KCMF1: variants seen among roughly 807,000 people sequenced by gnomAD.
KCMF1 encodes the protein E3 ubiquitin-protein ligase KCMF1.
A neutral mutation model predicts 41.1 loss-of-function variants in KCMF1; 3 were observed. The ratio of observed to expected loss-of-function variants is 0.07; its 90% CI spans 0.03 to 0.19. KCMF1 has a LOEUF of 0.19. Among genes scored for constraint, KCMF1 ranks in the 10% least tolerant of loss-of-function variants. The pLI is 1.00. For missense variants in KCMF1, 286 were observed against 488.9 expected, an observed-to-expected ratio of 0.58 and a Z score of 3.91; for synonymous variants, 142 against 164.5, an observed-to-expected ratio of 0.86 and a Z score of 1.04.
intron 1 of KCMF1, among the ~76,000 whole-genome samples, chr2:85,015,031 C>T (rs902809924): frequency 1.3e-5 from 2 of 151,664 alleles, no homozygotes; most frequent in Non-Finnish European, 2.9e-5. Context: ...TTTTTCCCCC[C>T]TCTACTTTCA....
chr2:85,027,509 G>A (rs886606293), intron 1 of KCMF1, among the ~76,000 whole-genome samples: 1 of 151,074 alleles, frequency 6.6e-6, no homozygotes, highest in Non-Finnish European at 1.5e-5. Flanking sequence ...CAAGTAGTTG[G>A]GATTACAGGT....
At chr2:84,990,980 C>T (rs1324470616) in intron 1 of KCMF1, among the ~76,000 whole-genome samples, 1 of 152,038 alleles carries the variant, frequency 6.6e-6, no homozygotes, top group Non-Finnish European at 1.5e-5. Flanking sequence ...CACTTGTGTT[C>T]GAGATCATTC....
intron 1 of KCMF1, among the ~76,000 whole-genome samples, chr2:85,008,554 C>G (rs1448241041): frequency 6.7e-6 from 1 of 150,044 alleles, no homozygotes; most frequent in Non-Finnish European, 1.5e-5. Context: ...TACCAAGAAA[C>G]AGCACAAAAA....
At chr2:85,012,001 C>G (rs1674664473) in intron 1 of KCMF1, among the ~76,000 whole-genome samples, 1 of 152,188 alleles carries the variant, frequency 6.6e-6, no homozygotes, top group Non-Finnish European at 1.5e-5. Context: ...CTAGACCCAG[C>G]AGAAGGGGCT....
intron 1 of KCMF1, among the ~76,000 whole-genome samples, chr2:84,989,158 G>GT (rs1489354569): frequency 6.6e-6 from 1 of 152,160 alleles, no homozygotes; most frequent in Non-Finnish European, 1.5e-5. Context: ...ACTCTGTGGA[G>GT]ATGTGCTGGG....
At chr2:85,044,841 C>T (rs1675625513) in intron 4 of KCMF1, among the ~76,000 whole-genome samples, 1 of 152,214 alleles carries the variant, frequency 6.6e-6, no homozygotes, top group African/African-American at 2.4e-5. Context: ...TCTGCATTCC[C>T]TTCCTTGTCT....
At chr2:84,985,169 G>A (rs958591137) in intron 1 of KCMF1, among the ~76,000 whole-genome samples, 1 of 152,146 alleles carries the variant, frequency 6.6e-6, no homozygotes, top group African/African-American at 2.4e-5. Flanking sequence ...GTGGCTGGAG[G>A]GCAATGATTG....
chr2:84,992,546 C>T (rs1297516130), intron 1 of KCMF1, among the ~76,000 whole-genome samples: 3 of 152,180 alleles, frequency 2.0e-5, no homozygotes, highest in African/African-American at 7.2e-5. Flanking sequence ...TCATTTTCTT[C>T]TTGGATACAG....
intron 1 of KCMF1, among the ~76,000 whole-genome samples, chr2:84,985,559 G>T (rs184119878): frequency 5.0e-4 from 76 of 150,704 alleles, no homozygotes; most frequent in African/African-American, 1.7e-3. Flanking sequence ...GGCCTGGCGC[G>T]GTGGCTCACG....
chr2:85,017,005 T>G (rs1432129077), intron 1 of KCMF1, among the ~76,000 whole-genome samples: 1 of 148,082 alleles, frequency 6.8e-6, no homozygotes, highest in African/African-American at 2.5e-5. Flanking sequence ...TCATCTAAGA[T>G]CCTCTTCTTT....
intron 1 of KCMF1, chr2:84,972,053 G>A (rs1225434739): frequency 2.6e-5 from 4 of 152,128 alleles, no homozygotes; most frequent in Non-Finnish European, 5.9e-5. Context: ...AGCCCGCCCC[G>A]GCCTCGCGGC....
chr2:85,046,354 G>C, intron 5 of KCMF1, 76 bp downstream of exon 5: 1 of 1,170,034 alleles, frequency 8.5e-7, no homozygotes, highest in Admixed American at 2.2e-5. Context: ...GTGATGCCAG[G>C]TGCGGTGGCT....
chr2:85,014,967 C>A (rs1054885654), intron 1 of KCMF1, among the ~76,000 whole-genome samples: 1 of 151,868 alleles, frequency 6.6e-6, no homozygotes, highest in African/African-American at 2.4e-5. Flanking sequence ...TTTGGTACAG[C>A]ATTTTTATCT....
chr2:85,011,207 T>C (rs1408147189), intron 1 of KCMF1, among the ~76,000 whole-genome samples: 3 of 152,222 alleles, frequency 2.0e-5, no homozygotes, highest in Admixed American at 2.0e-4. Flanking sequence ...GAAACCCCTT[T>C]AAGGTTTCTT....
chr2:84,991,472 C>T (rs1284827343), intron 1 of KCMF1, among the ~76,000 whole-genome samples: 1 of 152,102 alleles, frequency 6.6e-6, no homozygotes, highest in Non-Finnish European at 1.5e-5. Context: ...ATTATGTTGC[C>T]TTTCTCTCTA....
At chr2:84,999,102 C>A (rs1252456902) in intron 1 of KCMF1, among the ~76,000 whole-genome samples, 1 of 149,650 alleles carries the variant, frequency 6.7e-6, no homozygotes, top group East Asian at 2.0e-4. Context: ...CTGGAGTAAT[C>A]CCAAAGTGCT....
chr2:85,010,273 A>G (rs1300924005), intron 1 of KCMF1, among the ~76,000 whole-genome samples: 1 of 152,184 alleles, frequency 6.6e-6, no homozygotes, highest in African/African-American at 2.4e-5. Context: ...GTTCAAGACC[A>G]GCCTGGGCAA....
chr2:84,997,510 CTCCCCATGGTCTCCTCTT>C, intron 1 of KCMF1, among the ~76,000 whole-genome samples: 1 of 152,234 alleles, frequency 6.6e-6, no homozygotes, highest in South Asian at 2.1e-4. Flanking sequence ...TTACCCCTCA[CTCCCCATGGTCTCCTCTT>C]AAGAGGAAGG....
chr2:85,036,999 C>G (rs933097878), intron 3 of KCMF1, among the ~76,000 whole-genome samples: 2 of 151,098 alleles, frequency 1.3e-5, no homozygotes, highest in African/African-American at 2.4e-5. Flanking sequence ...CATGCCCCCC[C>G]ATCCCGCCCC....
Sources: gnomAD v4.1 joint callset for allele counts (sites outside exome capture counted in the v4.1 genomes callset) on GRCh38, gnomAD v4.1.1 for gene constraint, MANE v1.5 for transcripts, NCBI Gene and HGNC (gene_info 2026-07-23, HGNC 2026-07-21) for gene names.